The following PLEKHG1 variants were observed in gnomAD, a reference collection of about 807,000 sequenced individuals.
PLEKHG1 encodes the protein pleckstrin homology domain-containing family G member 1.
PLEKHG1 carries 44 observed loss-of-function variants against 100.8 expected under a neutral mutation model. The observed-to-expected ratio is 0.44, with a 90% CI of 0.34 to 0.56. PLEKHG1 has a LOEUF of 0.56. Ranked by LOEUF, PLEKHG1 falls within the 20% of genes least tolerant of loss-of-function variation. The pLI, the probability that PLEKHG1 is intolerant of heterozygous loss-of-function variation, is 0.01. For missense variants in PLEKHG1, 1,545 were observed against 1,720.9 expected, an observed-to-expected ratio of 0.90 and a Z score of 1.81; for synonymous variants, 640 against 662.5, an observed-to-expected ratio of 0.97 and a Z score of 0.52.
chr6:150,691,112 T>A (rs998867217), intron 3 of PLEKHG1, among the ~76,000 whole-genome samples: 3 of 152,234 alleles, frequency 2.0e-5, no homozygotes, highest in African/African-American at 7.2e-5. Flanking sequence ...ATATTTATCC[T>A]TTTCTGTTTG....
chr6:150,767,808 G>A (rs985394965), intron 2 of PLEKHG1, among the ~76,000 whole-genome samples: 2 of 152,116 alleles, frequency 1.3e-5, no homozygotes, highest in Non-Finnish European at 2.9e-5. Flanking sequence ...TTCAGCCTAG[G>A]GCAAGGACTG....
chr6:150,720,669 C>T (rs947619480), upstream of PLEKHG1, among the ~76,000 whole-genome samples: 56 of 150,064 alleles, frequency 3.7e-4, no homozygotes, highest in African/African-American at 1.3e-3. Context: ...TGTCCGTTTA[C>T]TTTGAAAGTG....
chr6:150,603,349 G>A (rs927365017), intron 1 of PLEKHG1, among the ~76,000 whole-genome samples: 2 of 152,088 alleles, frequency 1.3e-5, no homozygotes, highest in African/African-American at 2.4e-5. Flanking sequence ...TCAGAGTCAC[G>A]GGCAGTCTGT....
intron 2 of PLEKHG1, among the ~76,000 whole-genome samples, chr6:150,749,064 TA>T (rs1177988437): frequency 6.6e-6 from 1 of 152,150 alleles, no homozygotes; most frequent in Non-Finnish European, 1.5e-5. Context: ...TGGCATAACA[TA>T]AACACTCAAC....
chr6:150,833,045 T>A, intron 15 of PLEKHG1, among the ~76,000 whole-genome samples: 1 of 31,604 alleles, frequency 3.2e-5, no homozygotes, highest in African/African-American at 5.6e-5. Context: ...ACTACTCAAT[T>A]TTTTTTTTTT....
chr6:150,709,169 T>G (rs1471236146), intron 3 of PLEKHG1, among the ~76,000 whole-genome samples: 1 of 152,100 alleles, frequency 6.6e-6, no homozygotes, highest in Non-Finnish European at 1.5e-5. Flanking sequence ...CTGTCTCTAC[T>G]AAAAATACAA....
chr6:150,724,905 C>G (rs766142406), intron 1 of PLEKHG1, among the ~76,000 whole-genome samples: 5 of 152,198 alleles, frequency 3.3e-5, no homozygotes, highest in Non-Finnish European at 5.9e-5. Context: ...GCTCCAGAGA[C>G]ACCCCTTAGC....
chr6:150,810,523 A>G (rs377074779), intron 10 of PLEKHG1, among the ~76,000 whole-genome samples: 895 of 83,258 alleles, frequency 0.011, 13 homozygotes, highest in Middle Eastern at 0.038. Context: ...AAAAAGAAAG[A>G]AAGAAAGAAA....
intron 3 of PLEKHG1, among the ~76,000 whole-genome samples, chr6:150,657,803 A>G (rs1208028925): frequency 2.0e-5 from 3 of 152,226 alleles, no homozygotes; most frequent in Non-Finnish European, 4.4e-5. Context: ...GACCCACCAG[A>G]GGCTTGCTCA....
chr6:150,724,558 C>CTTTTTTTTTTTTTTTTTTTTTTTTGTT (rs34140367), intron 1 of PLEKHG1, among the ~76,000 whole-genome samples: 1 of 100,472 alleles, frequency 1.0e-5, no homozygotes, highest in Non-Finnish European at 2.0e-5. Context: ...TTTTCTTTTT[C>CTTTTTTTTTTTTTTTTTTTTTTTTGTT]TTTTTTTTTT....
At chr6:150,822,634 G>C (rs944674775) in intron 13 of PLEKHG1, among the ~76,000 whole-genome samples, 1 of 152,222 alleles carries the variant, frequency 6.6e-6, no homozygotes, top group Non-Finnish European at 1.5e-5. Context: ...TCACAAGAGT[G>C]TCCACGTATA....
intron 3 of PLEKHG1, among the ~76,000 whole-genome samples, chr6:150,669,319 T>C (rs1297037021): frequency 2.1e-4 from 32 of 151,826 alleles, no homozygotes. Flanking sequence ...AGATGGGGGG[T>C]TGAAGAGGCT....
intron 1 of PLEKHG1, among the ~76,000 whole-genome samples, chr6:150,630,795 G>T (rs1777716559): frequency 6.6e-6 from 1 of 152,086 alleles, no homozygotes; most frequent in Non-Finnish European, 1.5e-5. Flanking sequence ...AAGAGGTCAG[G>T]AGGCTGATCT....
intron 2 of PLEKHG1, among the ~76,000 whole-genome samples, chr6:150,765,921 T>C (rs927873654): frequency 1.3e-5 from 2 of 152,218 alleles, no homozygotes; most frequent in Non-Finnish European, 2.9e-5. Context: ...AGTTTGCAAA[T>C]TGGCTCCTGC....
At chr6:150,619,133 G>C (rs138084451) in intron 1 of PLEKHG1, among the ~76,000 whole-genome samples, 2 of 151,342 alleles carry the variant, frequency 1.3e-5, no homozygotes, top group East Asian at 3.9e-4. Context: ...AACAGATCCT[G>C]GACAATTTGA....
chr6:150,842,601 C>T (rs376792364), exon 16 of PLEKHG1: 1 of 152,194 alleles, frequency 6.6e-6, no homozygotes, highest in African/African-American at 2.4e-5. Flanking sequence ...CATTGAATAG[C>T]ATGGTCTGGG....
chr6:150,788,876 TACAC>T (rs558381840), intron 4 of PLEKHG1, among the ~76,000 whole-genome samples: 1 of 151,930 alleles, frequency 6.6e-6, no homozygotes, highest in Non-Finnish European at 1.5e-5. Context: ...CACACACGCA[TACAC>T]ACACACACAT....
intron 3 of PLEKHG1, among the ~76,000 whole-genome samples, chr6:150,711,357 A>C (rs929535839): frequency 5.9e-5 from 9 of 152,210 alleles, no homozygotes; most frequent in African/African-American, 2.2e-4. Flanking sequence ...GTATTCCATC[A>C]GTAGTTGAAC....
chr6:150,674,557 T>G (rs887395498), intron 3 of PLEKHG1, among the ~76,000 whole-genome samples: 1 of 150,460 alleles, frequency 6.6e-6, no homozygotes, highest in Non-Finnish European at 1.5e-5. Flanking sequence ...AGACCTACAC[T>G]TATGGCACCT....
Sources: gnomAD v4.1 joint callset for allele counts (sites outside exome capture counted in the v4.1 genomes callset) on GRCh38, gnomAD v4.1.1 for gene constraint, MANE v1.5 for transcripts, NCBI Gene and HGNC (gene_info 2026-07-23, HGNC 2026-07-21) for gene names.